PTK2B: variants seen among roughly 807,000 people sequenced by gnomAD.
PTK2B encodes protein-tyrosine kinase 2-beta.
In PTK2B, 71 loss-of-function variants were observed where a neutral mutation model predicts 142.9. The ratio of observed to expected loss-of-function variants is 0.50; its 90% confidence interval spans 0.41 to 0.61. PTK2B has a LOEUF of 0.61. PTK2B is among the 20% of genes least tolerant of loss of function. The pLI is 0.00. For synonymous variants in PTK2B, 519 were observed against 503.4 expected (o/e 1.03, Z -0.42); for missense variants, 1,105 against 1,320.4 (o/e 0.84, Z 2.53).
chr8:27,330,011 G>C (rs1245107572), intron 1 of PTK2B, among the ~76,000 whole-genome samples: 1 of 152,104 alleles, frequency 6.6e-6, no homozygotes, highest in Admixed American at 6.5e-5. Flanking sequence ...GCGTCAGAGA[G>C]GCCCCCTTCC....
intron 1 of PTK2B, among the ~76,000 whole-genome samples, chr8:27,361,884 G>T (rs1805731392): frequency 6.6e-6 from 1 of 152,162 alleles, no homozygotes; most frequent in Non-Finnish European, 1.5e-5. Flanking sequence ...CCCCGATGAT[G>T]CAGACAGCCT....
At chr8:27,438,788 A>T (rs192793971) in intron 18 of PTK2B, among the ~76,000 whole-genome samples, 7 of 152,236 alleles carry the variant, frequency 4.6e-5, no homozygotes, top group African/African-American at 1.4e-4. Context: ...AGAGGGAAGG[A>T]GATGGCAAAG....
chr8:27,332,903 C>A (rs921845024), intron 1 of PTK2B, among the ~76,000 whole-genome samples: 1 of 152,184 alleles, frequency 6.6e-6, no homozygotes, highest in African/African-American at 2.4e-5. Flanking sequence ...TTATATCTGT[C>A]CTCACAAAGT....
intron 5 of PTK2B, 31 bp downstream of exon 5, chr8:27,422,414 G>C: frequency 6.3e-7 from 1 of 1,577,842 alleles, no homozygotes; most frequent in Non-Finnish European, 8.6e-7. Context: ...TGCTGGGAGG[G>C]CGCTGTGCTG....
In PTK2B at chr8:27,395,875, G is replaced by A. The variant is rs562862371; in HGVS notation, c.-37-1673G>A. Among the ~76,000 whole-genome samples the A allele has an allele frequency of 6.6e-5, 10 of 152,250 alleles. No individual in the cohort carries two copies. In the East Asian group the frequency reaches 1.9e-3, roughly 29 times the overall value. On this transcript the variant is annotated intron_variant, in intron 1 of 30. Coordinates refer to ENST00000346049, the MANE Select transcript of PTK2B (RefSeq NM_173176.3). ...CCTGGATTCCTTGTTGAAGGTCAGG[G>A]GATCCGGGTTACATCTTCACTACAT...
intron 1 of PTK2B, chr8:27,396,320 T>G (rs1225337761): frequency 6.6e-6 from 1 of 152,254 alleles, no homozygotes; most frequent in East Asian, 1.9e-4. Flanking sequence ...GACTCCATGT[T>G]CGTGTTTTAA....
chr8:27,387,084 C>G (rs990640134), intron 1 of PTK2B, among the ~76,000 whole-genome samples: 3 of 152,148 alleles, frequency 2.0e-5, no homozygotes, highest in African/African-American at 7.2e-5. Context: ...GGGCTGTACT[C>G]TTTGGCACAG....
intron 27 of PTK2B, 138 bp from the exon 28 acceptor site, chr8:27,452,976 C>T (rs370200138): frequency 6.0e-5 from 61 of 1,012,624 alleles, no homozygotes; most frequent in East Asian, 5.5e-4. Flanking sequence ...TTCCCCTGCC[C>T]GCTTCCTGGA....
At chr8:27,420,537 C>A in intron 3 of PTK2B, 120 bp from the exon 4 acceptor site, 1 of 941,996 alleles carries the variant, frequency 1.1e-6, no homozygotes, top group Non-Finnish European at 1.7e-6. Flanking sequence ...GGCCACGAGA[C>A]TCATGGGCAG....
rs774798724 is a variant in PTK2B at position 27,440,329 on chromosome 8, C to G, written c.1927C>G (p.Arg643Gly). 1 of 1,614,152 alleles carries G rather than the reference C, an allele frequency of 6.2e-7. No individual in the cohort carries two copies. The highest frequency in any genetic ancestry group is 8.5e-7 in the Non-Finnish European group (1 of 1,180,016). ...DVIGVLEKGDRLPKPDLCPPV... is the reference protein window; with the variant it reads ...DVIGVLEKGDGLPKPDLCPPV... ...CATCGGGGTGCTGGAGAAAGGAGAC[C>G]GGCTGCCCAAGCCTGATCTCTGTCC... The change falls in exon 21 of 31, where the codon CGG (arginine) becomes GGG (glycine). Residue 643 changes from arginine to glycine, a missense_variant. Transcript: ENST00000346049.
chr8:27,389,211 G>A (rs1807557791), intron 1 of PTK2B, among the ~76,000 whole-genome samples: 1 of 152,038 alleles, frequency 6.6e-6, no homozygotes, highest in Non-Finnish European at 1.5e-5. Context: ...TATCTTCATA[G>A]CTCCAGGTCT....
At chr8:27,370,469 T>A (rs1468038688) in intron 1 of PTK2B, among the ~76,000 whole-genome samples, 1 of 152,222 alleles carries the variant, frequency 6.6e-6, no homozygotes, top group Non-Finnish European at 1.5e-5. Flanking sequence ...ATCACTCACC[T>A]CCTCTGTGGT....
chr8:27,377,653 C>T (rs1313423581), intron 1 of PTK2B, among the ~76,000 whole-genome samples: 1 of 152,224 alleles, frequency 6.6e-6, no homozygotes, highest in Non-Finnish European at 1.5e-5. Flanking sequence ...GGAGAGAAGA[C>T]AAAGAGCTAG....
intron 27 of PTK2B, chr8:27,452,214 A>G (rs1811860408): frequency 1.3e-5 from 2 of 152,348 alleles, no homozygotes; most frequent in South Asian, 4.1e-4. Flanking sequence ...TATCTTACAA[A>G]TGAAAATTAA....
chr8:27,444,310 C>G (rs149060100), intron 23 of PTK2B, 39 bp downstream of exon 23: 1 of 1,577,220 alleles, frequency 6.3e-7, no homozygotes, highest in Non-Finnish European at 8.7e-7. Flanking sequence ...TCAGGTCTAC[C>G]TCTCATCCAG....
rs74812159 is a variant in PTK2B, at chr8:27,402,157, G to A, written c.204+4369G>A. 3.2e-3 allele frequency among the ~76,000 whole-genome samples: 487 copies of A among 152,242 alleles called. 10 individuals carry two copies. In the East Asian group the frequency reaches 0.036, roughly 11 times the overall value. On this transcript the variant is annotated intron_variant, in intron 2 of 30. Transcript: ENST00000346049. The stretch of plus-strand genomic sequence containing the variant: ...TCCAAAGCCTGCACTCTTAACCACC[G>A]TGATCAATGGAGAGAAGTGATTATA...
intron 1 of PTK2B, among the ~76,000 whole-genome samples, chr8:27,377,647 AG>A (rs1806753860): frequency 6.6e-6 from 1 of 152,228 alleles, no homozygotes; most frequent in African/African-American, 2.4e-5. Context: ...GAGGCAGGAG[AG>A]AAGACAAAGA....
At position 27,437,387 on chromosome 8, in the gene PTK2B, A is replaced by G; in HGVS notation, c.1427-9A>G. ...CTCCACCTGTCCCTCTTGCCCCACC[A>G]CACTGCAGTGATCATGAAGAACCTC... On this transcript the variant is annotated splice_polypyrimidine_tract_variant and intron_variant, in intron 16 of 30. Coordinates refer to ENST00000346049, the MANE Select transcript of PTK2B (RefSeq NM_173176.3). 6.2e-7 allele frequency: 1 copy of G among 1,609,410 alleles called. No homozygotes were observed. Among genetic ancestry groups the G allele is most frequent in the Non-Finnish European group, 8.5e-7 (1 of 1,177,538 alleles).
intron 1 of PTK2B, among the ~76,000 whole-genome samples, chr8:27,350,552 A>G (rs1804983733): frequency 7.0e-6 from 1 of 143,078 alleles, no homozygotes; most frequent in Non-Finnish European, 1.6e-5. Context: ...CAGTCCCGTG[A>G]CTTCAGGGCA....
Sources: gnomAD v4.1 joint callset for allele counts (sites outside exome capture counted in the v4.1 genomes callset) on GRCh38, gnomAD v4.1.1 for gene constraint, MANE v1.5 for transcripts, NCBI Gene and HGNC (gene_info 2026-07-23, HGNC 2026-07-21) for gene names.